Variants in CDK13 observed in about 807,000 individuals in gnomAD.
CDK13 encodes the protein cyclin dependent kinase 13.
CDK13 carries 40 observed loss-of-function variants against 137.6 expected under a neutral mutation model. The observed-to-expected ratio is 0.29, with a 90% CI of 0.23 to 0.38. CDK13 has a LOEUF of 0.38. Ranked by LOEUF, CDK13 falls within the 10% of genes least tolerant of loss-of-function variation. CDK13 has a pLI of 1.00. For synonymous variants in CDK13, 869 were observed against 760.1 expected, an observed-to-expected ratio of 1.14 and a Z score of -2.36; for missense variants, 1,704 against 1,951.8, an observed-to-expected ratio of 0.87 and a Z score of 2.39.
At chr7:39,980,248 T>G (rs1368100391) in intron 1 of CDK13, among the ~76,000 whole-genome samples, 6 of 152,172 alleles carry the variant, frequency 3.9e-5, no homozygotes, top group Non-Finnish European at 8.8e-5. Context: ...TGGAGAGTAG[T>G]GAAATTAAAA....
At chr7:39,989,940 G>A (rs1784423908) in intron 2 of CDK13, among the ~76,000 whole-genome samples, 1 of 50,226 alleles carries the variant, frequency 2.0e-5, no homozygotes, top group East Asian at 1.4e-3. Context: ...CCGCCACCAA[G>A]CCCGGCTAAT....
At chr7:39,963,934 A>G (rs945379076) in intron 1 of CDK13, among the ~76,000 whole-genome samples, 2 of 152,112 alleles carry the variant, frequency 1.3e-5, no homozygotes. Context: ...ATTGATTTGC[A>G]TATGTTGAAC....
At chr7:40,075,329 CCT>C (rs1786522116) in intron 9 of CDK13, among the ~76,000 whole-genome samples, 1 of 152,158 alleles carries the variant, frequency 6.6e-6, no homozygotes, top group Non-Finnish European at 1.5e-5. Context: ...GTCATGTCTA[CCT>C]CTCTAGTTTC....
At chr7:40,005,000 C>G (rs895562907) in intron 5 of CDK13, among the ~76,000 whole-genome samples, 8 of 151,906 alleles carry the variant, frequency 5.3e-5, no homozygotes, top group African/African-American at 1.9e-4. Context: ...CATGGTGAAA[C>G]CCATCTCAAC....
At chr7:39,969,108 C>G (rs1783939669) in intron 1 of CDK13, among the ~76,000 whole-genome samples, 1 of 152,110 alleles carries the variant, frequency 6.6e-6, no homozygotes, top group African/African-American at 2.4e-5. Context: ...CTCCCAGGTT[C>G]AAGCGATTCC....
chr7:39,973,564 C>T (rs534287115), intron 1 of CDK13, among the ~76,000 whole-genome samples: 1 of 152,144 alleles, frequency 6.6e-6, no homozygotes, highest in Non-Finnish European at 1.5e-5. Context: ...CATTCTATCA[C>T]TTTGTTGATG....
chr7:40,017,918 C>T (rs1207694393), intron 5 of CDK13, among the ~76,000 whole-genome samples: 3 of 150,396 alleles, frequency 2.0e-5, no homozygotes, highest in Admixed American at 1.3e-4. Context: ...TATGAAATTC[C>T]CACGTTCTTT....
At position 40,002,220 on chromosome 7, in the gene CDK13, G is replaced by A. The variant is rs911090199; in HGVS notation, c.2353+189G>A. 26 of 441,260 alleles carry A rather than the reference G, an allele frequency of 5.9e-5. No individual in the cohort carries two copies. In the Admixed American group the frequency reaches 7.7e-4, roughly 13 times the overall value. The allele number at this position is 441,260 out of a possible 1,614,324, so 27.3% of individuals were successfully genotyped here. On this transcript the variant is annotated intron_variant, in intron 5 of 13. Transcript: ENST00000181839. The stretch of plus-strand genomic sequence containing the variant: ...CTTTAGTGGTTTTTGAGTAAACTTC[G>A]TAAAGGGTATTTGCCAATATTACAC...
chr7:40,023,334 C>T (rs999805797), intron 5 of CDK13, among the ~76,000 whole-genome samples: 2 of 151,614 alleles, frequency 1.3e-5, no homozygotes, highest in African/African-American at 4.8e-5. Flanking sequence ...CAAAGTGTTG[C>T]GATTATAGGC....
intron 1 of CDK13, among the ~76,000 whole-genome samples, chr7:39,954,523 C>G (rs12701787): frequency 0.27 from 40,602 of 152,038 alleles, 6,551 homozygotes; most frequent in Middle Eastern, 0.45. Flanking sequence ...CACAAGTACA[C>G]TCTTAATAAA....
At chr7:40,061,251 C>G (rs1786140207) in intron 7 of CDK13, 1 of 152,060 alleles carries the variant, frequency 6.6e-6, no homozygotes, top group Non-Finnish European at 1.5e-5. Context: ...TTAGAAAAAC[C>G]TAATCTTAAT....
At chr7:40,033,952 T>C (rs550293568) in intron 5 of CDK13, among the ~76,000 whole-genome samples, 30 of 152,300 alleles carry the variant, frequency 2.0e-4, no homozygotes, top group Non-Finnish European at 4.0e-4. Context: ...CCCTTCTAGA[T>C]TGGTAAGGCT....
At chr7:40,066,894 CTTTTTTTTTAAACGATTCCTTCTAACCT>C (rs1199251582) in intron 9 of CDK13, 6 of 150,048 alleles carry the variant, frequency 4.0e-5, no homozygotes, top group South Asian at 2.1e-4. Context: ...ATCTGTGTAT[CTTTTTTTTTAAACGATTCCTTCTAACCT>C]TTTTTTTTTA....
At chr7:39,971,448 C>T (rs1031286049) in intron 1 of CDK13, among the ~76,000 whole-genome samples, 6 of 151,986 alleles carry the variant, frequency 3.9e-5, no homozygotes, top group Admixed American at 6.6e-5. Flanking sequence ...GCCCAGGAGG[C>T]GGAGGTTGCC....
rs1787057463 is a variant in CDK13 at position 40,096,815 on chromosome 7, T to C, written c.*1835T>C. 1 of 152,146 alleles carries C rather than the reference T, an allele frequency of 6.6e-6. No individual in the cohort carries two copies. The highest frequency in any genetic ancestry group is 2.4e-5 in the African/African-American group (1 of 41,454). 9.4% of individuals were successfully genotyped at this position (152,146 alleles called of 1,614,324 possible). A position where few individuals can be genotyped will look rare whatever the true frequency, so the allele number is the denominator to read the frequency against. On this transcript the variant is annotated 3_prime_UTR_variant, in exon 14 of 14. Coordinates refer to ENST00000181839, the MANE Select transcript of CDK13 (RefSeq NM_003718.5). The stretch of plus-strand genomic sequence containing the variant: ...TTTATTTTTTGATGGACTCTTTTTG[T>C]TGGGAGAAAGAAATGAATGGAAGAA...
chr7:40,063,742 C>T (rs1322462437), intron 9 of CDK13, among the ~76,000 whole-genome samples: 7 of 151,992 alleles, frequency 4.6e-5, no homozygotes, highest in Non-Finnish European at 7.4e-5. Context: ...ACTGCAACTT[C>T]TGCCTCCTGG....
At chr7:40,027,763 T>C (rs1276552280) in intron 5 of CDK13, among the ~76,000 whole-genome samples, 1 of 150,314 alleles carries the variant, frequency 6.7e-6, no homozygotes, top group Non-Finnish European at 1.5e-5. Flanking sequence ...GATTGGGCAG[T>C]TGGAGCCTTA....
rs546173234 is a variant in CDK13, at chr7:39,973,953, G to A, written c.1212-13646G>A. ...GTTCCATTGATTTATGTATCCGTCC[G>A]TATGCCAGTACCACACAGTCTTGCT... is the stretch of plus-strand genomic sequence containing the variant. On this transcript the variant is annotated intron_variant, in intron 1 of 13. Coordinates refer to ENST00000181839, the MANE Select transcript of CDK13 (RefSeq NM_003718.5). Among the ~76,000 whole-genome samples, 244 of 152,220 alleles carry A rather than the reference G, an allele frequency of 1.6e-3. 1 individual carries two copies. The highest frequency in any genetic ancestry group is 6.8e-3 in the Middle Eastern group (2 of 294).
chr7:40,078,578 C>T (rs1786596111), intron 10 of CDK13, 142 bp from the exon 11 acceptor site: 1 of 359,494 alleles, frequency 2.8e-6, no homozygotes, highest in Non-Finnish European at 4.7e-6. Flanking sequence ...GTATTATGCA[C>T]ATATTAAAAA....
Sources: allele counts gnomAD v4.1 joint callset (sites outside exome capture counted in the v4.1 genomes callset), GRCh38; gene constraint gnomAD v4.1.1; transcripts MANE v1.5; gene names NCBI Gene and HGNC (gene_info 2026-07-23, HGNC 2026-07-21).